GRAMD1C: variants seen among roughly 807,000 people sequenced by gnomAD.
GRAMD1C encodes the protein GRAM domain containing 1C.
GRAMD1C carries 89 observed loss-of-function variants against 97.8 expected under a neutral mutation model. The observed-to-expected ratio is 0.91, with a 90% CI of 0.77 to 1.09. The LOEUF (loss-of-function observed/expected upper bound fraction) is 1.09, where lower values mean the gene tolerates loss of function less well. GRAMD1C is among the 50% of genes least tolerant of loss of function. The pLI, the probability that GRAMD1C is intolerant of heterozygous loss-of-function variation, is 0.00. For missense variants in GRAMD1C, 740 were observed against 766.4 expected (o/e 0.97, Z 0.41); for synonymous variants, 256 against 267.0 (o/e 0.96, Z 0.40).
At chr3:113,849,666 C>G (rs2107327660) in intron 2 of GRAMD1C, among the ~76,000 whole-genome samples, 1 of 152,318 alleles carries the variant, frequency 6.6e-6, no homozygotes, top group Middle Eastern at 3.4e-3. Flanking sequence ...TAGTACAGAA[C>G]AAAATGAAGT....
At chr3:113,883,820 G>T (rs1283218117) in intron 6 of GRAMD1C, among the ~76,000 whole-genome samples, 1 of 151,946 alleles carries the variant, frequency 6.6e-6, no homozygotes, top group Admixed American at 6.6e-5. Flanking sequence ...AGCAAAAGTT[G>T]GCAGAATTGA....
At chr3:113,870,066 A>G (rs1934735174) in intron 3 of GRAMD1C, among the ~76,000 whole-genome samples, 1 of 152,098 alleles carries the variant, frequency 6.6e-6, no homozygotes, top group Admixed American at 6.6e-5. Flanking sequence ...TCTCATGGAG[A>G]TAGAGTAGAA....
chr3:113,866,390 T>A (rs1280713641), intron 2 of GRAMD1C, among the ~76,000 whole-genome samples: 1 of 152,318 alleles, frequency 6.6e-6, no homozygotes, highest in East Asian at 1.9e-4. Flanking sequence ...GCATGGTATA[T>A]CTTTTTCTCA....
intron 17 of GRAMD1C, among the ~76,000 whole-genome samples, chr3:113,944,454 A>G (rs1425324533): frequency 2.6e-5 from 4 of 152,180 alleles, no homozygotes; most frequent in Admixed American, 2.6e-4. Flanking sequence ...CTAGACTCAT[A>G]CAGTCACTTG....
intron 1 of GRAMD1C, among the ~76,000 whole-genome samples, chr3:113,843,276 T>C (rs540434431): frequency 6.6e-6 from 1 of 151,682 alleles, no homozygotes; most frequent in Admixed American, 6.6e-5. Flanking sequence ...GGGGTCTCAC[T>C]ATGTTGCCCA....
chr3:113,828,656 C>T (rs1709518431), intron 1 of GRAMD1C, among the ~76,000 whole-genome samples: 1 of 152,174 alleles, frequency 6.6e-6, no homozygotes, highest in Admixed American at 6.5e-5. Flanking sequence ...TATAAACTCA[C>T]AATCCATGTT....
At chr3:113,831,820 A>G (rs966637667) in intron 1 of GRAMD1C, among the ~76,000 whole-genome samples, 3 of 152,048 alleles carry the variant, frequency 2.0e-5, no homozygotes, top group African/African-American at 4.8e-5. Context: ...TAGGTGAGAC[A>G]TTGTTCTCAT....
chr3:113,934,058 A>G (rs1937531202), intron 12 of GRAMD1C, among the ~76,000 whole-genome samples: 1 of 152,204 alleles, frequency 6.6e-6, no homozygotes, highest in African/African-American at 2.4e-5. Flanking sequence ...ATGGGCCATC[A>G]TGTACTTGGC....
intron 9 of GRAMD1C, among the ~76,000 whole-genome samples, chr3:113,909,516 G>C (rs1358864993): frequency 6.6e-6 from 1 of 152,154 alleles, no homozygotes; most frequent in Non-Finnish European, 1.5e-5. Context: ...AAGTCACACA[G>C]CTAGTTAACT....
rs1938053491 is a variant in GRAMD1C at position 113,945,969 on chromosome 3, A to C, written c.*491A>C. The C allele has an allele frequency of 6.6e-6, 1 of 152,540 alleles. No homozygotes were observed. Among genetic ancestry groups the C allele is most frequent in the Non-Finnish European group, 1.5e-5 (1 of 68,268 alleles). The allele number at this position is 152,540 out of a possible 1,614,324, so 9.4% of individuals were successfully genotyped here. A position where few individuals can be genotyped will look rare whatever the true frequency, so the allele number is the denominator to read the frequency against. On this transcript the variant is annotated 3_prime_UTR_variant, in exon 18 of 18. Transcript: ENST00000358160. ...GCATATAACATTTCCAGGTTTGTGTACTGTAAAGATTATAATGTCTTCATT... is the reference window on the plus strand; with the variant it reads ...GCATATAACATTTCCAGGTTTGTGTCCTGTAAAGATTATAATGTCTTCATT...
intron 1 of GRAMD1C, among the ~76,000 whole-genome samples, chr3:113,829,259 A>AAAAC (rs369737329): frequency 8.0e-4 from 122 of 152,148 alleles, no homozygotes; most frequent in Middle Eastern, 3.4e-3. Context: ...CAGTCTGTAC[A>AAAAC]AAACAAACAA....
chr3:113,832,238 G>A (rs111835348), intron 1 of GRAMD1C, among the ~76,000 whole-genome samples: 2,186 of 151,966 alleles, frequency 0.014, 50 homozygotes, highest in African/African-American at 0.048. Context: ...ATGTTGGCCC[G>A]GTTGGTCTTG....
At chr3:113,841,281 C>CTTTAT (rs1269088707) in intron 1 of GRAMD1C, among the ~76,000 whole-genome samples, 2 of 17,544 alleles carry the variant, frequency 1.1e-4, no homozygotes, top group Non-Finnish European at 1.6e-4. Context: ...TTCTTTCTTT[C>CTTTAT]TTTCTTTTTT....
intron 9 of GRAMD1C, among the ~76,000 whole-genome samples, chr3:113,911,173 G>GACACACACACACAC (rs60151773): frequency 0.48 from 70,492 of 147,336 alleles, 17,145 homozygotes; most frequent in East Asian, 0.69. Flanking sequence ...CAGAGAGAGA[G>GACACACACACACAC]ACACACACAC....
At chr3:113,916,906 T>G (rs1273408835) in intron 10 of GRAMD1C, among the ~76,000 whole-genome samples, 2 of 152,152 alleles carry the variant, frequency 1.3e-5, no homozygotes, top group Non-Finnish European at 2.9e-5. Flanking sequence ...CCCAGCACTT[T>G]GGGAGGTTGA....
At chr3:113,843,946 A>G (rs1933492495) in intron 1 of GRAMD1C, among the ~76,000 whole-genome samples, 2 of 152,220 alleles carry the variant, frequency 1.3e-5, no homozygotes, top group South Asian at 4.1e-4. Flanking sequence ...GGGCATTGCA[A>G]ATTGTTCTCC....
At chr3:113,906,731 C>T (rs1219616213) in intron 8 of GRAMD1C, among the ~76,000 whole-genome samples, 1 of 152,094 alleles carries the variant, frequency 6.6e-6, no homozygotes, top group Non-Finnish European at 1.5e-5. Flanking sequence ...ATGTCCCAGG[C>T]CTTCACATTC....
chr3:113,864,394 A>T (rs1283720481), intron 2 of GRAMD1C, among the ~76,000 whole-genome samples: 1 of 152,134 alleles, frequency 6.6e-6, no homozygotes, highest in African/African-American at 2.4e-5. Flanking sequence ...GATTACAGAC[A>T]TGAGCCACCG....
intron 11 of GRAMD1C, among the ~76,000 whole-genome samples, chr3:113,933,007 A>G (rs1937496683): frequency 6.7e-6 from 1 of 149,654 alleles, no homozygotes; most frequent in Non-Finnish European, 1.5e-5. Flanking sequence ...TCAGCCTCCC[A>G]CCGAGTAGCT....
Sources: allele counts gnomAD v4.1 joint callset (sites outside exome capture counted in the v4.1 genomes callset), GRCh38; gene constraint gnomAD v4.1.1; transcripts MANE v1.5; gene names NCBI Gene and HGNC (gene_info 2026-07-23, HGNC 2026-07-21).